TNXB: variants seen among roughly 807,000 people sequenced by gnomAD.
The protein encoded by TNXB is tenascin-X.
In TNXB, 183 loss-of-function variants were observed where a neutral mutation model predicts 340.5. The observed-to-expected ratio is 0.54, with a 90% CI of 0.48 to 0.61. The LOEUF (loss-of-function observed/expected upper bound fraction) is 0.61. Ranked by LOEUF, TNXB falls within the 20% of genes least tolerant of loss-of-function variation. The pLI is 0.00. For missense variants in TNXB, 4,613 were observed against 5,446.4 expected (o/e 0.85, Z 4.82); for synonymous variants, 2,121 against 2,314.5 (o/e 0.92, Z 2.40).
Position 32,068,580 on chromosome 6 carries a change from G to T in TNXB, c.6030C>A (p.Pro2010=). The part of the protein sequence containing the change: ...PDSLSLSWTV[P]EGQFDHFLVQ... ...CCAGGAAGTGGTCAAACTGTCCCTCGGGAACTGTCCAGGACAGGCTGAGGG... is the reference window on the plus strand; with the variant it reads ...CCAGGAAGTGGTCAAACTGTCCCTCTGGAACTGTCCAGGACAGGCTGAGGG... The change falls in exon 17 of 44, where the codon CCC becomes CCA. Residue 2010 remains proline (P), a synonymous_variant. Coordinates refer to ENST00000644971, the MANE Select transcript of TNXB (RefSeq NM_001365276.2). This position sits in a 1 kb window ranked among gnomAD's most constrained non-coding sequence, Gnocchi z 5.3. The T allele has an allele frequency of 1.2e-6, 2 of 1,613,844 alleles. No homozygotes were observed. The highest frequency in any genetic ancestry group is 1.7e-6 in the Non-Finnish European group (2 of 1,179,880).
Position 32,043,713 on chromosome 6 carries a change from C to T in TNXB, c.11530+36G>A, listed in dbSNP as rs981720585. On this transcript the variant is annotated intron_variant, in intron 35 of 43. Coordinates refer to ENST00000644971, the MANE Select transcript of TNXB (RefSeq NM_001365276.2). ...ACTCCCACCCATGCCGTTTTCTTGG[C>T]TCCCACCTCTTGCCCCGGGTCCCAG... 15 of 1,613,472 alleles carry T rather than the reference C, an allele frequency of 9.3e-6. 1 individual carries two copies. The highest frequency in any genetic ancestry group is 1.3e-5 in the Non-Finnish European group (15 of 1,180,010).
chr6:32,085,187 C>T lies in TNXB; in HGVS notation c.3149-478G>A, dbSNP rs1779699579. Among the ~76,000 whole-genome samples the T allele has an allele frequency of 6.6e-6, 1 of 152,152 alleles. No individual in the cohort carries two copies. Among genetic ancestry groups the T allele is most frequent in the African/African-American group, 2.4e-5 (1 of 41,424 alleles). ...CAGGTACCCCAGGACCTGTCTTTCA[C>T]TGGTCCTGCAAACCTCATCCATGTC... On this transcript the variant is annotated intron_variant, in intron 7 of 43. Coordinates refer to ENST00000644971, the MANE Select transcript of TNXB (RefSeq NM_001365276.2). This position sits in a 1 kb window ranked among gnomAD's most constrained non-coding sequence, Gnocchi z 6.4.
chr6:32,073,910 A>T lies in TNXB; in HGVS notation c.4418T>A (p.Leu1473Gln). Residue 1473 changes from leucine (L) to glutamine (Q), a missense_variant, in exon 12 of 44, where the codon CTG becomes CAG. This residue lies in a region of TNXB where 4,327 missense variants were observed against 4,859.4 expected (regional missense o/e 0.89). Coordinates refer to ENST00000644971, the MANE Select transcript of TNXB (RefSeq NM_001365276.2). This position sits in a 1 kb window ranked among gnomAD's most constrained non-coding sequence, Gnocchi z 4.6. Reference sequence around the variant, plus strand: ...TGTCAGCTCTCCTAGGCGTGGCTCCAGCGGGGACTCAGTGGCTGGAGGGGT... The same window carrying T: ...TGTCAGCTCTCCTAGGCGTGGCTCCTGCGGGGACTCAGTGGCTGGAGGGGT... ...EETPPATESP[L>Q]EPRLGELTVT... is the part of the protein sequence containing the mutation. 6.2e-7 allele frequency: 1 copy of T among 1,605,704 alleles called. No individual in the cohort carries two copies. The highest frequency in any genetic ancestry group is 8.5e-7 in the Non-Finnish European group (1 of 1,176,228).
At chr6:32,103,298 C>T (rs1780816717) in intron 1 of TNXB, among the ~76,000 whole-genome samples, 1 of 151,908 alleles carries the variant, frequency 6.6e-6, no homozygotes, top group African/African-American at 2.4e-5. Context: ...GGCATGGTGG[C>T]AGGTGCCTGT....
chr6:32,107,731 T>A (rs1445466393), intron 1 of TNXB, among the ~76,000 whole-genome samples: 1 of 151,664 alleles, frequency 6.6e-6, no homozygotes. Context: ...TCCCAAGGGG[T>A]GGGGAGAGGG....
chr6:32,070,210 T>C lies in TNXB; in HGVS notation c.5195A>G (p.Asp1732Gly). Residue 1732 changes from aspartate to glycine, a missense_variant, in exon 14 of 44, where the codon GAT becomes GGT. By Grantham distance (94) the Asp-to-Gly change is moderately conservative. Transcript: ENST00000644971. This position sits in a 1 kb window ranked among gnomAD's most constrained non-coding sequence, Gnocchi z 6.0. ...HERSVTVTPLDAGRKYRFLLY... is the reference protein window; with the variant it reads ...HERSVTVTPLGAGRKYRFLLY... Reference sequence around the variant, plus strand: ...GAGGAATCTGTACTTGCGGCCGGCATCCAGAGGGGTGACAGTGACAGAGCG... The same window carrying C: ...GAGGAATCTGTACTTGCGGCCGGCACCCAGAGGGGTGACAGTGACAGAGCG... The C allele has an allele frequency of 6.2e-7, 1 of 1,612,332 alleles. No homozygotes were observed. The highest frequency in any genetic ancestry group is 2.2e-5 in the East Asian group (1 of 44,846).
chr6:32,041,191 G>A lies in TNXB; in HGVS notation c.*158C>T, dbSNP rs1358405335. 61 of 1,062,996 alleles carry A rather than the reference G, an allele frequency of 5.7e-5. No homozygotes were observed. The highest frequency in any genetic ancestry group is 4.3e-4 in the African/African-American group (29 of 67,426). The allele number at this position is 1,062,996 out of a possible 1,614,324, so 65.8% of individuals were successfully genotyped here. A position where few individuals can be genotyped will look rare whatever the true frequency, so the allele number is the denominator to read the frequency against. On this transcript the variant is annotated 3_prime_UTR_variant, in exon 44 of 44. Transcript: ENST00000644971. ...AGTTTCTCCTTTATTGCTCCCGTACGAACCCCTCCCCTCCCCCCTGTAAAC... is the reference window on the plus strand; with the variant it reads ...AGTTTCTCCTTTATTGCTCCCGTACAAACCCCTCCCCTCCCCCCTGTAAAC...
rs536601819 is a variant in TNXB at position 32,096,517 on chromosome 6, C to G, written c.1336G>C (p.Glu446Gln). 103 of 1,599,046 alleles carry G rather than the reference C, an allele frequency of 6.4e-5. 1 individual carries two copies. The East Asian group carries it at 2.2e-3, about 35-fold the overall frequency. The change falls in exon 3 of 44, where the codon GAG becomes CAG. Residue 446 changes from glutamate to glutamine, a missense_variant. This residue lies in a region of TNXB where 4,327 missense variants were observed against 4,859.4 expected (regional missense o/e 0.89). Coordinates refer to ENST00000644971, the MANE Select transcript of TNXB (RefSeq NM_001365276.2). ...GCATTGCAAACACACACGCCGTTCT[C>G]GCAGCGCCCGCGACCTCTACAGTCG... ...PRDCRGRGRCENGVCVCNAGY... is the reference protein window; with the variant it reads ...PRDCRGRGRCQNGVCVCNAGY...
rs1379316016 is a variant in TNXB, at chr6:32,108,968, C to G, written c.-9+213G>C. Among the ~76,000 whole-genome samples the G allele has an allele frequency of 6.6e-6, 1 of 152,174 alleles. No homozygotes were observed. The highest frequency in any genetic ancestry group is 6.5e-5 in the Admixed American group (1 of 15,282). On this transcript the variant is annotated intron_variant, in intron 1 of 43. Coordinates refer to ENST00000644971, the MANE Select transcript of TNXB (RefSeq NM_001365276.2). The surrounding 1 kb of genome is among the most constrained non-coding windows in gnomAD (Gnocchi z 4.8). ...CCAAACCCTGACACATACTGCCCAC[C>G]CCAACACACACATACCACCCTCTCC...
In TNXB at chr6:32,048,385, T is replaced by G. The variant is rs1470888976; in HGVS notation, c.10023A>C (p.Pro3341=). ...FGLQNGKRHG[P]VPVEARTAPD... ...CACCGGTCCTGGCCTCCACAGGGAC[T>G]GGGCCGTGGCGTTTCCCATTCTGGA... Residue 3341 remains proline (P), a synonymous_variant, in exon 29 of 44, where the codon CCA becomes CCC. Coordinates refer to ENST00000644971, the MANE Select transcript of TNXB (RefSeq NM_001365276.2). The G allele has an allele frequency of 6.6e-7, 1 of 1,519,750 alleles. No individual in the cohort carries two copies. The highest frequency in any genetic ancestry group is 8.9e-7 in the Non-Finnish European group (1 of 1,128,660). 94.1% of individuals were successfully genotyped at this position (1,519,750 alleles called of 1,614,324 possible).
rs1777275301 is a variant in TNXB at position 32,051,376 on chromosome 6, A to G, written c.9116-1055T>C. ...CCTAACTCTGAGCCTAACCTCTGTG[A>G]GGATTCATGAATGCAAGAAAAATTC... On this transcript the variant is annotated intron_variant, in intron 26 of 43. Transcript: ENST00000644971. This position sits in a 1 kb window ranked among gnomAD's most constrained non-coding sequence, Gnocchi z 4.7. Among the ~76,000 whole-genome samples, 1 of 152,232 alleles carries G rather than the reference A, an allele frequency of 6.6e-6. No individual in the cohort carries two copies.
Position 32,058,189 on chromosome 6 carries a change from G to C in TNXB, c.7694C>G (p.Ala2565Gly). Residue 2565 changes from alanine to glycine, a missense_variant, in exon 22 of 44, where the codon GCG becomes GGG. By Grantham distance (60) the Ala-to-Gly change is moderately conservative. This residue lies in a region of TNXB where 4,327 missense variants were observed against 4,859.4 expected (regional missense o/e 0.89). Transcript: ENST00000644971. This position sits in a 1 kb window ranked among gnomAD's most constrained non-coding sequence, Gnocchi z 5.1. ...GCTCTCCTGGCCCCCAACACGCACC[G>C]CCTGGGGCCGCCCGTCCCTGTCCTT... ...QYKDRDGRPQ[A>G]VRVGGQESKV... The C allele has an allele frequency of 6.2e-7, 1 of 1,612,388 alleles. No homozygotes were observed. The highest frequency in any genetic ancestry group is 8.5e-7 in the Non-Finnish European group (1 of 1,179,838).
intron 24 of TNXB, among the ~76,000 whole-genome samples, chr6:32,054,073 A>G (rs374405027): frequency 3.3e-5 from 5 of 151,988 alleles, no homozygotes; most frequent in East Asian, 3.9e-4. Context: ...CAAGCTCAGC[A>G]CACTCCTCCC....
In TNXB at chr6:32,074,244, C is replaced by CA. The variant is rs1778953362; in HGVS notation, c.4376-293dup. Among the ~76,000 whole-genome samples the CA allele has an allele frequency of 1.3e-5, 2 of 152,264 alleles. No individual in the cohort carries two copies. The highest frequency in any genetic ancestry group is 4.1e-4 in the South Asian group (2 of 4,826). On this transcript the variant is annotated intron_variant, in intron 11 of 43. Coordinates refer to ENST00000644971, the MANE Select transcript of TNXB (RefSeq NM_001365276.2). The surrounding 1 kb of genome is among the most constrained non-coding windows in gnomAD (Gnocchi z 5.5). ...TTTGCCATGTTGGCCAGGCTGGTCT[C>CA]AAACCCCTGACCTCAGGTGATCCAC...
At chr6:32,056,519 C>T (rs993372268) in intron 23 of TNXB, 67 bp downstream of exon 23, 2 of 1,574,110 alleles carry the variant, frequency 1.3e-6, no homozygotes, top group African/African-American at 1.4e-5. Context: ...CCCCACCAGT[C>T]ATCACCAAAG....
chr6:32,096,701 C>G lies in TNXB; in HGVS notation c.1152G>C (p.Glu384Asp). ...PRDCRGRGRC[E>D]DGECICDTGY... ...CCGTGTCGCAAATGCATTCGCCGTC[C>G]TCGCAGCGCCCGCGGCCCCGGCAGT... Residue 384 changes from glutamate to aspartate, a missense_variant, in exon 3 of 44, where the codon GAG (glutamate) becomes GAC (aspartate). Glu to Asp is a conservative substitution (Grantham distance 45, BLOSUM62 2). Coordinates refer to ENST00000644971, the MANE Select transcript of TNXB (RefSeq NM_001365276.2). 6.4e-7 allele frequency: 1 copy of G among 1,551,758 alleles called. No homozygotes were observed. The highest frequency in any genetic ancestry group is 8.7e-7 in the Non-Finnish European group (1 of 1,151,326).
Position 32,049,359 on chromosome 6 carries a change from C to A in TNXB, c.9668G>T (p.Gly3223Val), listed in dbSNP as rs1274470534. The A allele has an allele frequency of 1.2e-6, 2 of 1,612,392 alleles. No homozygotes were observed. The highest frequency in any genetic ancestry group is 1.7e-6 in the Non-Finnish European group (2 of 1,179,790). The change falls in exon 28 of 44, where the codon GGC (glycine) becomes GTC (valine). Residue 3223 changes from glycine to valine, a missense_variant. By Grantham distance (109) the Gly-to-Val change is moderately radical (BLOSUM62 -3). This residue lies in a region of TNXB where 4,327 missense variants were observed against 4,859.4 expected (regional missense o/e 0.89). Coordinates refer to ENST00000644971, the MANE Select transcript of TNXB (RefSeq NM_001365276.2). The surrounding 1 kb of genome is among the most constrained non-coding windows in gnomAD (Gnocchi z 4.5). ...CTTGTATTTGCGCCCGGGCTCCAGGCCCCCCACGGTGACCTCGCTCTCCTC... is the reference window on the plus strand; with the variant it reads ...CTTGTATTTGCGCCCGGGCTCCAGGACCCCCACGGTGACCTCGCTCTCCTC... Reference protein sequence around the residue: ...RGEESEVTVGGLEPGRKYKMH... With the variant: ...RGEESEVTVGVLEPGRKYKMH...
In TNXB at chr6:32,089,607, C is replaced by T. The variant is rs558586655; in HGVS notation, c.2359-228G>A. Among the ~76,000 whole-genome samples, 3 of 152,296 alleles carry T rather than the reference C, an allele frequency of 2.0e-5. No homozygotes were observed. Among genetic ancestry groups the T allele is most frequent in the South Asian group, 2.1e-4 (1 of 4,826 alleles). On this transcript the variant is annotated intron_variant, in intron 4 of 43. Transcript: ENST00000644971. This position sits in a 1 kb window ranked among gnomAD's most constrained non-coding sequence, Gnocchi z 6.2. ...TCACTTAATTCTCACAACAACCCTA[C>T]GAAACAGGTCCTATTAGTCCCATTT...
chr6:32,102,334 A>G (rs1780759791), intron 1 of TNXB, among the ~76,000 whole-genome samples: 1 of 152,234 alleles, frequency 6.6e-6, no homozygotes, highest in Non-Finnish European at 1.5e-5. Flanking sequence ...CGTAGACCAT[A>G]ATGTTCATGA....
Sources: allele counts gnomAD v4.1 joint callset (sites outside exome capture counted in the v4.1 genomes callset), GRCh38; gene constraint gnomAD v4.1.1; regional missense constraint gnomAD v4.1.1; non-coding constraint Gnocchi (gnomAD v3.1); transcripts MANE v1.5; gene names NCBI Gene and HGNC (gene_info 2026-07-23, HGNC 2026-07-21).